The following ST3GAL3 variants were observed in gnomAD, a reference collection of about 807,000 sequenced individuals.
ST3GAL3 encodes the protein CMP-N-acetylneuraminate-beta-1,4-galactoside alpha-2,3-sialyltransferase.
A neutral mutation model predicts 50.1 loss-of-function variants in ST3GAL3; 21 were observed. The observed-to-expected ratio is 0.42, with a 90% CI of 0.30 to 0.60. The LOEUF (loss-of-function observed/expected upper bound fraction) is 0.60, where lower values mean the gene tolerates loss of function less well. Ranked by LOEUF, ST3GAL3 falls within the 20% of genes least tolerant of loss-of-function variation. ST3GAL3 has a pLI of 0.19. For synonymous variants in ST3GAL3, 183 were observed against 190.0 expected, an observed-to-expected ratio of 0.96 and a Z score of 0.30; for missense variants, 353 against 489.4, an observed-to-expected ratio of 0.72 and a Z score of 2.63.
chr1:43,920,304 A>T (rs2082804164), intron 9 of ST3GAL3, 100 bp from the exon 10 acceptor site: 3 of 1,503,396 alleles, frequency 2.0e-6, no homozygotes, highest in Non-Finnish European at 1.8e-6. Flanking sequence ...TAAACGCCTC[A>T]TGCTCCCGCC....
Position 43,807,417 on chromosome 1 carries a change from AAAAT to A in ST3GAL3, c.167-7442_167-7439del, listed in dbSNP as rs59894927. Among the ~76,000 whole-genome samples the A allele has an allele frequency of 1.1e-3, 155 of 142,692 alleles. 3 individuals carry two copies. The highest frequency in any genetic ancestry group is 0.01 in the Middle Eastern group (3 of 286). 93.6% of individuals were successfully genotyped at this position (142,692 alleles called of 152,430 possible). ...GCCGACAGACCGAGACTCTGTCTCAAAAATAAATAAATAAATAAATAAATAAATA... is the reference window on the plus strand; with the variant it reads ...GCCGACAGACCGAGACTCTGTCTCAAAAATAAATAAATAAATAAATAAATA... On this transcript the variant is annotated intron_variant, in intron 3 of 11. Coordinates refer to ENST00000347631, the MANE Select transcript of ST3GAL3 (RefSeq NM_006279.5).
chr1:43,808,720 G>A (rs187507535), intron 3 of ST3GAL3, among the ~76,000 whole-genome samples: 1 of 152,184 alleles, frequency 6.6e-6, no homozygotes, highest in Admixed American at 6.5e-5. Flanking sequence ...GACCTGCACA[G>A]AGAGAGAGCT....
chr1:43,815,586 G>A (rs2154177736), intron 4 of ST3GAL3, among the ~76,000 whole-genome samples: 1 of 152,284 alleles, frequency 6.6e-6, no homozygotes, highest in South Asian at 2.1e-4. Flanking sequence ...CAGGCTCAGA[G>A]CTAGGCCTAG....
At chr1:43,850,548 C>T (rs56161541) in intron 5 of ST3GAL3, 1 of 699,976 alleles carries the variant, frequency 1.4e-6, no homozygotes, top group Non-Finnish European at 2.7e-6. Flanking sequence ...CAGCCGCAGT[C>T]CACTGGGCCG....
rs145598691 is a variant in ST3GAL3, at chr1:43,758,814, G to A, written c.118+22434G>A. Among the ~76,000 whole-genome samples, 807 of 151,324 alleles carry A rather than the reference G, an allele frequency of 5.3e-3. 16 individuals carry two copies. Among genetic ancestry groups the A allele is most frequent in the African/African-American group, 0.018 (750 of 41,208 alleles). On this transcript the variant is annotated intron_variant, in intron 2 of 11. Coordinates refer to ENST00000347631, the MANE Select transcript of ST3GAL3 (RefSeq NM_006279.5). ...GGCTCAGGCAGGAGGATCATTTGAG[G>A]CTAGGAGTTCGAGACCAGCCTGGGC...
At chr1:43,861,799 C>A (rs1047111584) in intron 5 of ST3GAL3, among the ~76,000 whole-genome samples, 1 of 152,186 alleles carries the variant, frequency 6.6e-6, no homozygotes, top group Non-Finnish European at 1.5e-5. Context: ...GAGGCCAGGG[C>A]AGGCGGATCA....
intron 2 of ST3GAL3, among the ~76,000 whole-genome samples, chr1:43,765,975 T>C (rs1352752798): frequency 1.3e-5 from 2 of 152,092 alleles, no homozygotes; most frequent in African/African-American, 4.8e-5. Context: ...GCACATGAGC[T>C]TCTCTGTGCT....
chr1:43,927,359 A>G (rs1213827305), intron 11 of ST3GAL3, among the ~76,000 whole-genome samples: 1 of 152,216 alleles, frequency 6.6e-6, no homozygotes, highest in African/African-American at 2.4e-5. Context: ...AAAAAACTTC[A>G]TTCATTTTCT....
intron 9 of ST3GAL3, among the ~76,000 whole-genome samples, chr1:43,906,371 A>C (rs1477844251): frequency 0.14 from 5,346 of 38,950 alleles, no homozygotes; most frequent in African/African-American, 0.16. Flanking sequence ...CTTCCTCCCC[A>C]TCCTCCTGTT....
intron 1 of ST3GAL3, among the ~76,000 whole-genome samples, chr1:43,718,576 T>C (rs1668655922): frequency 6.7e-6 from 1 of 149,894 alleles, no homozygotes; most frequent in Non-Finnish European, 1.5e-5. Context: ...AAAGCCTTCC[T>C]AATGTGTTTT....
intron 2 of ST3GAL3, among the ~76,000 whole-genome samples, chr1:43,765,768 TGTGTGTGTGTGTGTGTGCGC>T (rs1413776664): frequency 4.4e-5 from 6 of 134,988 alleles, no homozygotes; most frequent in African/African-American, 1.3e-4. Flanking sequence ...TGTGTGTGTG[TGTGTGTGTGTGTGTGTGCGC>T]GCGCGCGCGC....
rs763879713 is a variant in ST3GAL3 at position 43,838,297 on chromosome 1, G to A, written c.288G>A (p.Thr96=). 40 of 1,613,392 alleles carry A rather than the reference G, an allele frequency of 2.5e-5. 1 individual carries two copies. The highest frequency in any genetic ancestry group is 2.2e-5 in the East Asian group (1 of 44,878). The part of the protein sequence containing the change: ...CKPGYASALM[T]AIFPRFSKPA... ...CTGGCTATGCTTCAGCCTTGATGACGGCCATCTTCCCCCGGTAAGTGCTCC... is the reference window on the plus strand; with the variant it reads ...CTGGCTATGCTTCAGCCTTGATGACAGCCATCTTCCCCCGGTAAGTGCTCC... Residue 96 remains threonine (T), a synonymous_variant, in exon 5 of 12, where the codon ACG becomes ACA. Coordinates refer to ENST00000347631, the MANE Select transcript of ST3GAL3 (RefSeq NM_006279.5).
At chr1:43,712,691 A>T (rs559723822) in intron 1 of ST3GAL3, among the ~76,000 whole-genome samples, 1 of 152,368 alleles carries the variant, frequency 6.6e-6, no homozygotes, top group East Asian at 1.9e-4. Flanking sequence ...TCTGACCTAC[A>T]TCTTGAAAAA....
intron 2 of ST3GAL3, among the ~76,000 whole-genome samples, chr1:43,756,988 T>C (rs1031005642): frequency 2.0e-5 from 3 of 152,142 alleles, no homozygotes; most frequent in Non-Finnish European, 4.4e-5. Flanking sequence ...CACTGCAACC[T>C]CTGCCTCCCG....
chr1:43,809,587 C>T (rs1293495023), intron 3 of ST3GAL3, among the ~76,000 whole-genome samples: 1 of 152,068 alleles, frequency 6.6e-6, no homozygotes, highest in Non-Finnish European at 1.5e-5. Flanking sequence ...GTCCTAGCTA[C>T]TCAGGAGGCT....
At chr1:43,775,543 A>G (rs1029481982) in intron 2 of ST3GAL3, among the ~76,000 whole-genome samples, 2 of 152,134 alleles carry the variant, frequency 1.3e-5, no homozygotes, top group African/African-American at 4.8e-5. Context: ...GGAAATCTGA[A>G]TTTTTATGTG....
chr1:43,743,843 TC>T (rs10599480), intron 2 of ST3GAL3: 49,400 of 136,046 alleles, frequency 0.36, 8,544 homozygotes, highest in East Asian at 0.53. Context: ...ATTCTTTCAT[TC>T]CCCCCCCCCC....
At chr1:43,779,005 T>G (rs551100632) in intron 2 of ST3GAL3, among the ~76,000 whole-genome samples, 28 of 149,650 alleles carry the variant, frequency 1.9e-4, no homozygotes, top group Non-Finnish European at 3.4e-4. Context: ...TGCAATGGCG[T>G]GATCTCGGCT....
At chr1:43,864,686 G>A (rs1438600165) in intron 5 of ST3GAL3, among the ~76,000 whole-genome samples, 3 of 152,192 alleles carry the variant, frequency 2.0e-5, no homozygotes, top group Non-Finnish European at 4.4e-5. Flanking sequence ...GTTACAGGAG[G>A]TGGGACTGAG....
Sources: gnomAD v4.1 joint callset for allele counts (sites outside exome capture counted in the v4.1 genomes callset) on GRCh38, gnomAD v4.1.1 for gene constraint, MANE v1.5 for transcripts, NCBI Gene and HGNC (gene_info 2026-07-23, HGNC 2026-07-21) for gene names.